The following PRKN variants were observed in gnomAD, a reference collection of about 807,000 sequenced individuals.
PRKN encodes parkin RBR E3 ubiquitin protein ligase.
In PRKN, 56 loss-of-function variants were observed where a neutral mutation model predicts 59.5. The ratio of observed to expected loss-of-function variants is 0.94; its 90% CI spans 0.76 to 1.18. The LOEUF (loss-of-function observed/expected upper bound fraction) is 1.18. Among genes scored for constraint, PRKN ranks in the 50% most tolerant of loss-of-function variants. The pLI is 0.00. For missense variants in PRKN, 657 were observed against 596.4 expected (o/e 1.10, Z -1.06); for synonymous variants, 250 against 222.1 (o/e 1.13, Z -1.12).
chr6:161,618,171 T>C (rs1782764934), intron 7 of PRKN, among the ~76,000 whole-genome samples: 1 of 152,252 alleles, frequency 6.6e-6, no homozygotes, highest in Non-Finnish European at 1.5e-5. Context: ...TTTCCTATCG[T>C]ACATGAAGTG....
intron 2 of PRKN, among the ~76,000 whole-genome samples, chr6:162,325,699 T>G (rs1004546699): frequency 2.7e-4 from 41 of 152,196 alleles, no homozygotes; most frequent in Admixed American, 8.5e-4. Flanking sequence ...TAGATATTTT[T>G]AACGTACATA....
At chr6:162,347,788 T>C (rs2128130157) in intron 2 of PRKN, among the ~76,000 whole-genome samples, 1 of 152,306 alleles carries the variant, frequency 6.6e-6, no homozygotes, top group Non-Finnish European at 1.5e-5. Flanking sequence ...CTCATTCATA[T>C]TTTTTTGGTA....
chr6:162,500,017 G>T (rs552746328), intron 1 of PRKN, among the ~76,000 whole-genome samples: 2 of 152,056 alleles, frequency 1.3e-5, no homozygotes, highest in East Asian at 3.9e-4. Flanking sequence ...CAAGGACTTG[G>T]TCATGACAAT....
At chr6:162,515,924 A>C (rs551082640) in intron 1 of PRKN, among the ~76,000 whole-genome samples, 1 of 152,338 alleles carries the variant, frequency 6.6e-6, no homozygotes, top group African/African-American at 2.4e-5. Flanking sequence ...AAGGGTCTCT[A>C]TAAGAGGAGT....
intron 7 of PRKN, among the ~76,000 whole-genome samples, chr6:161,598,204 T>G (rs1781984562): frequency 6.6e-6 from 1 of 152,214 alleles, no homozygotes; most frequent in Non-Finnish European, 1.5e-5. Context: ...CGATGCCTAG[T>G]GCTCTGGGTG....
chr6:162,102,464 A>G (rs1002866718), intron 4 of PRKN, among the ~76,000 whole-genome samples: 2 of 152,258 alleles, frequency 1.3e-5, no homozygotes, highest in Non-Finnish European at 2.9e-5. Flanking sequence ...GTGTATAAAA[A>G]CAATTACATT....
chr6:161,876,876 A>G (rs1794750632), intron 6 of PRKN, among the ~76,000 whole-genome samples: 1 of 152,140 alleles, frequency 6.6e-6, no homozygotes, highest in Non-Finnish European at 1.5e-5. Context: ...ACTGGAAACC[A>G]TTGAAATCTT....
chr6:162,187,303 T>C (rs1324765751), intron 4 of PRKN, among the ~76,000 whole-genome samples: 1 of 152,150 alleles, frequency 6.6e-6, no homozygotes, highest in East Asian at 1.9e-4. Flanking sequence ...TCTAAACAAC[T>C]TGTACAGGAG....
chr6:162,063,135 C>T (rs1057163597), intron 4 of PRKN, among the ~76,000 whole-genome samples: 7 of 152,144 alleles, frequency 4.6e-5, no homozygotes, highest in African/African-American at 1.2e-4. Context: ...TTTCAATGAA[C>T]ATTAGAGCTC....
chr6:161,831,111 C>A (rs1335681920), intron 6 of PRKN, among the ~76,000 whole-genome samples: 1 of 152,162 alleles, frequency 6.6e-6, no homozygotes, highest in Non-Finnish European at 1.5e-5. Flanking sequence ...AGCTAACTGG[C>A]CCATAAAGGG....
At chr6:161,506,310 T>C (rs1293924123) in intron 9 of PRKN, among the ~76,000 whole-genome samples, 1 of 152,218 alleles carries the variant, frequency 6.6e-6, no homozygotes, top group Non-Finnish European at 1.5e-5. Context: ...AGTTCACTCA[T>C]GATTTGGCTC....
At chr6:161,573,766 A>G (rs1481745050) in intron 7 of PRKN, among the ~76,000 whole-genome samples, 1 of 59,610 alleles carries the variant, frequency 1.7e-5, no homozygotes, top group Non-Finnish European at 2.9e-5. Flanking sequence ...ATATATATAT[A>G]TATATATATA....
At chr6:162,493,248 C>T (rs1480958906) in intron 1 of PRKN, among the ~76,000 whole-genome samples, 1 of 152,066 alleles carries the variant, frequency 6.6e-6, no homozygotes, top group Non-Finnish European at 1.5e-5. Context: ...GGGAGAACTG[C>T]GAAGAGGAAG....
chr6:162,021,193 TATA>T (rs1334161571), intron 5 of PRKN, among the ~76,000 whole-genome samples: 1 of 114,236 alleles, frequency 8.8e-6, no homozygotes, highest in Admixed American at 8.8e-5. Flanking sequence ...ATATTATATA[TATA>T]ATATATATAA....
In PRKN at chr6:161,569,230, T is replaced by C. The variant is rs1028624581; in HGVS notation, c.933+125A>G. 19 of 809,754 alleles carry C rather than the reference T, an allele frequency of 2.3e-5. No individual in the cohort carries two copies. The African/African-American group carries it at 2.8e-4, about 12-fold the overall frequency. 50.2% of individuals were successfully genotyped at this position (809,754 alleles called of 1,614,324 possible). ...TCCTCACACATATCTCCAGCATGGT[T>C]TTCTTCCCCATTTCAGGGCACCCAG... On this transcript the variant is annotated intron_variant, in intron 8 of 11. Coordinates refer to ENST00000366898, the MANE Select transcript of PRKN (RefSeq NM_004562.3).
intron 3 of PRKN, among the ~76,000 whole-genome samples, chr6:162,226,575 C>A (rs1292452699): frequency 6.6e-6 from 1 of 152,174 alleles, no homozygotes; most frequent in Non-Finnish European, 1.5e-5. Context: ...TGCTCTGTTG[C>A]CAGGCTGGAG....
intron 7 of PRKN, among the ~76,000 whole-genome samples, chr6:161,780,841 G>A (rs910880487): frequency 6.6e-6 from 1 of 152,166 alleles, no homozygotes; most frequent in Non-Finnish European, 1.5e-5. Context: ...AAATATTAAA[G>A]AAAATCCAGT....
chr6:162,055,703 G>C (rs1211695628), intron 4 of PRKN, among the ~76,000 whole-genome samples: 1 of 152,158 alleles, frequency 6.6e-6, no homozygotes, highest in Non-Finnish European at 1.5e-5. Flanking sequence ...CAGGGGCAGA[G>C]GCTGTGGTGA....
At chr6:162,252,495 TGAAACCTA>T (rs1779474865) in intron 3 of PRKN, among the ~76,000 whole-genome samples, 1 of 152,220 alleles carries the variant, frequency 6.6e-6, no homozygotes, top group Admixed American at 6.5e-5. Flanking sequence ...ATTCAGATGT[TGAAACCTA>T]ATCACCAATG....
Sources: gnomAD v4.1 joint callset for allele counts (sites outside exome capture counted in the v4.1 genomes callset) on GRCh38, gnomAD v4.1.1 for gene constraint, MANE v1.5 for transcripts, NCBI Gene and HGNC (gene_info 2026-07-23, HGNC 2026-07-21) for gene names.